Variants in WDR72 observed in about 807,000 individuals in gnomAD.
WDR72 encodes the protein WD repeat-containing protein 72.
A neutral mutation model predicts 124.2 loss-of-function variants in WDR72; 120 were observed. The ratio of observed to expected loss-of-function variants is 0.97; its 90% CI spans 0.83 to 1.12. The LOEUF (loss-of-function observed/expected upper bound fraction) is 1.12, where lower values mean the gene tolerates loss of function less well. WDR72 is among the 50% of genes most tolerant of loss of function. The probability of loss-of-function intolerance (pLI) is 0.00; values close to 1 mark genes in which losing one functional copy is unlikely to be tolerated. For missense variants in WDR72, 1,387 were observed against 1,278.8 expected, an observed-to-expected ratio of 1.08 and a Z score of -1.29; for synonymous variants, 452 against 441.7, an observed-to-expected ratio of 1.02 and a Z score of -0.29.
intron 1 of WDR72, among the ~76,000 whole-genome samples, chr15:53,744,570 C>T (rs1485695190): frequency 6.6e-6 from 1 of 152,188 alleles, no homozygotes; most frequent in Non-Finnish European, 1.5e-5. Context: ...TTCCCAATCA[C>T]CTCCTAAACC....
At chr15:53,726,244 GTA>G (rs563466142) in intron 2 of WDR72, among the ~76,000 whole-genome samples, 5 of 121,936 alleles carry the variant, frequency 4.1e-5, no homozygotes, top group Non-Finnish European at 6.6e-5. Context: ...ATGTATGTGT[GTA>G]TATATATATG....
At chr15:53,699,609 A>G in intron 13 of WDR72, 141 bp downstream of exon 13, 1 of 854,992 alleles carries the variant, frequency 1.2e-6, no homozygotes, top group Non-Finnish European at 1.8e-6. Flanking sequence ...ACATGCCTTT[A>G]ACTGAAGCCA....
intron 18 of WDR72, among the ~76,000 whole-genome samples, chr15:53,590,240 G>A (rs79635423): frequency 0.1 from 15,734 of 151,870 alleles, 1,038 homozygotes; most frequent in African/African-American, 0.18. Flanking sequence ...CTTTCAACTC[G>A]TATGTGTATG....
chr15:53,614,167 T>C (rs1457076585), intron 15 of WDR72, among the ~76,000 whole-genome samples: 1 of 152,038 alleles, frequency 6.6e-6, no homozygotes, highest in Non-Finnish European at 1.5e-5. Flanking sequence ...GAAGGCAGGT[T>C]TTACCCTAGG....
chr15:53,594,210 TAAAAG>T (rs1304798185), intron 18 of WDR72, among the ~76,000 whole-genome samples: 1 of 152,066 alleles, frequency 6.6e-6, no homozygotes, highest in African/African-American at 2.4e-5. Flanking sequence ...CCATTTAGCA[TAAAAG>T]AAGTTTGAGT....
rs5812689 is a variant in WDR72 at position 53,515,106 on chromosome 15, C to CACACACACACAA, written c.*2592_*2593insTTGTGTGTGTGT. 2.2e-5 allele frequency: 3 copies of CACACACACACAA among 134,094 alleles called. No individual in the cohort carries two copies. Among genetic ancestry groups the CACACACACACAA allele is most frequent in the African/African-American group, 7.8e-5 (3 of 38,428 alleles). 8.3% of individuals were successfully genotyped at this position (134,094 alleles called of 1,614,324 possible). On this transcript the variant is annotated 3_prime_UTR_variant, in exon 20 of 20. Coordinates refer to ENST00000360509, the MANE Select transcript of WDR72 (RefSeq NM_182758.4). The stretch of plus-strand genomic sequence containing the variant: ...ATGTATACACACACACACACACACA[C>CACACACACACAA]AAATACATTCATAAATATCACCAAG...
chr15:53,687,982 C>T (rs201156009), intron 13 of WDR72, among the ~76,000 whole-genome samples: 14,112 of 133,230 alleles, frequency 0.11, 872 homozygotes, highest in East Asian at 0.31. Context: ...TCTCAATAGA[C>T]GCAGAAAAGG....
intron 10 of WDR72, 98 bp from the exon 11 acceptor site, chr15:53,705,331 G>C (rs1429282158): frequency 9.0e-7 from 1 of 1,110,330 alleles, no homozygotes; most frequent in Non-Finnish European, 1.3e-6. Flanking sequence ...TATGAATACA[G>C]TGTTACAGCC....
chr15:53,712,945 C>A (rs1490796626), intron 6 of WDR72, 54 bp from the exon 7 acceptor site: 1 of 1,599,362 alleles, frequency 6.3e-7, no homozygotes, highest in Non-Finnish European at 8.6e-7. Context: ...TCATACACAG[C>A]CATGAGAAGA....
At chr15:53,760,579 G>C (rs1451144474), upstream of WDR72, among the ~76,000 whole-genome samples, 3 of 152,086 alleles carry the variant, frequency 2.0e-5, no homozygotes, top group South Asian at 6.2e-4. Flanking sequence ...TCCATTTATC[G>C]GTTGATGGAC....
Position 53,532,073 on chromosome 15 carries a change from C to T in WDR72, c.3149-8751G>A, listed in dbSNP as rs191579177. ...TAATACACTAATCGTTAGAGAAATG[C>T]AAATTAAACTACAATGAGACATCAT... On this transcript the variant is annotated intron_variant, in intron 18 of 19. Transcript: ENST00000360509. Among the ~76,000 whole-genome samples the T allele has an allele frequency of 1.8e-3, 277 of 152,098 alleles. 1 individual carries two copies. The highest frequency in any genetic ancestry group is 1.3e-3 in the Non-Finnish European group (87 of 67,956).
chr15:53,553,469 A>C (rs1384331962), intron 18 of WDR72, among the ~76,000 whole-genome samples: 1 of 152,164 alleles, frequency 6.6e-6, no homozygotes, highest in Non-Finnish European at 1.5e-5. Context: ...ATATTTATAG[A>C]AATATTTCTA....
intron 16 of WDR72, among the ~76,000 whole-genome samples, 199 bp from the exon 17 acceptor site, chr15:53,609,791 C>T (rs966469909): frequency 6.6e-6 from 1 of 151,746 alleles, no homozygotes; most frequent in Non-Finnish European, 1.5e-5. Flanking sequence ...GTAAAAGTGC[C>T]ACAGATGATT....
intron 16 of WDR72, 24 bp from the exon 17 acceptor site, chr15:53,609,616 G>C (rs772432706): frequency 6.3e-7 from 1 of 1,587,984 alleles, no homozygotes; most frequent in African/African-American, 1.3e-5. Flanking sequence ...GAACACACTT[G>C]TATCTTTAGA....
intron 1 of WDR72, among the ~76,000 whole-genome samples, chr15:53,739,464 G>A (rs1449370338): frequency 1.3e-5 from 2 of 152,202 alleles, no homozygotes; most frequent in Non-Finnish European, 2.9e-5. Context: ...ACTATAAGAA[G>A]AGGGGGAAGT....
At chr15:53,664,085 G>A (rs1482382555) in intron 14 of WDR72, among the ~76,000 whole-genome samples, 9 of 152,034 alleles carry the variant, frequency 5.9e-5, no homozygotes, top group African/African-American at 2.2e-4. Flanking sequence ...ACAAAATTCA[G>A]AAATGTTTCC....
chr15:53,706,348 GTGTATATATATATATATA>G (rs1484169527), intron 9 of WDR72, among the ~76,000 whole-genome samples: 29 of 57,390 alleles, frequency 5.1e-4, no homozygotes, highest in East Asian at 3.3e-3. Context: ...GTGTGTGTGT[GTGTATATATATATATATA>G]TATATATATA....
intron 1 of WDR72, among the ~76,000 whole-genome samples, chr15:53,735,745 C>A (rs1407517865): frequency 2.0e-5 from 3 of 151,890 alleles, no homozygotes; most frequent in East Asian, 3.9e-4. Context: ...CATGAGCAAA[C>A]AGAAAGATTA....
intron 3 of WDR72, among the ~76,000 whole-genome samples, chr15:53,718,286 A>T (rs1018948002): frequency 7.5e-6 from 1 of 133,920 alleles, no homozygotes; most frequent in Non-Finnish European, 1.5e-5. Context: ...CTAGCTATAC[A>T]TTAGACTTAT....
Sources: gnomAD v4.1 joint callset for allele counts (sites outside exome capture counted in the v4.1 genomes callset) on GRCh38, gnomAD v4.1.1 for gene constraint, MANE v1.5 for transcripts, NCBI Gene and HGNC (gene_info 2026-07-23, HGNC 2026-07-21) for gene names.